The following PRKG1 variants were observed in gnomAD, a reference collection of about 807,000 sequenced individuals.
PRKG1 encodes the protein cGMP-dependent protein kinase 1.
A neutral mutation model predicts 88.1 loss-of-function variants in PRKG1; 35 were observed. The observed-to-expected ratio is 0.40, with a 90% confidence interval of 0.30 to 0.53. The LOEUF (loss-of-function observed/expected upper bound fraction) is 0.53. PRKG1 is among the 20% of genes least tolerant of loss of function. The pLI is 0.59. For synonymous variants in PRKG1, 303 were observed against 292.5 expected (o/e 1.04, Z -0.37); for missense variants, 540 against 839.8 (o/e 0.64, Z 4.41).
intron 3 of PRKG1, among the ~76,000 whole-genome samples, chr10:51,751,741 A>T (rs1007569618): frequency 1.3e-5 from 2 of 152,044 alleles, no homozygotes; most frequent in African/African-American, 4.8e-5. Context: ...TAGCCAGCAG[A>T]TCTTGTAGTT....
At chr10:51,088,392 GTTT>G (rs35801594) in intron 1 of PRKG1, among the ~76,000 whole-genome samples, 4 of 138,410 alleles carry the variant, frequency 2.9e-5, no homozygotes, top group Admixed American at 7.2e-5. Context: ...TTGGTTTTCA[GTTT>G]TTTTTTTTTT....
chr10:51,733,986 T>A (rs930805225), intron 3 of PRKG1, among the ~76,000 whole-genome samples: 4 of 152,174 alleles, frequency 2.6e-5, no homozygotes, highest in African/African-American at 9.7e-5. Context: ...TTATTCTGTA[T>A]TTAATTCTTG....
chr10:51,943,389 T>C (rs1842952980), intron 5 of PRKG1, among the ~76,000 whole-genome samples: 5 of 152,016 alleles, frequency 3.3e-5, no homozygotes, highest in Admixed American at 3.3e-4. Flanking sequence ...TACAATCATG[T>C]CATCTGCAAA....
chr10:52,297,110 T>G lies in PRKG1; in HGVS notation c.*3210T>G, dbSNP rs1238103028. On this transcript the variant is annotated 3_prime_UTR_variant, in exon 18 of 18. Coordinates refer to ENST00000373980, the MANE Select transcript of PRKG1 (RefSeq NM_006258.4). ...TCCATAACAACGTTTTCTTTCACTA[T>G]AGGACCACAGACAAATATTTATGTA... 6.6e-6 allele frequency: 1 copy of G among 152,174 alleles called. No homozygotes were observed. Among genetic ancestry groups the G allele is most frequent in the African/African-American group, 2.4e-5 (1 of 41,460 alleles). 9.4% of individuals were successfully genotyped at this position (152,174 alleles called of 1,614,324 possible).
chr10:51,104,698 T>TTTTATTTA (rs35238475), intron 1 of PRKG1, among the ~76,000 whole-genome samples: 2,720 of 136,140 alleles, frequency 0.02, 48 homozygotes, highest in South Asian at 0.025. Context: ...TTTATTTTTA[T>TTTTATTTA]TTTATTTATT....
chr10:51,216,816 G>C (rs1838383326), intron 2 of PRKG1, among the ~76,000 whole-genome samples: 2 of 152,190 alleles, frequency 1.3e-5, no homozygotes, highest in South Asian at 4.1e-4. Context: ...TTTTCAGGGG[G>C]ATTTAAAAAG....
At chr10:51,744,649 C>T (rs772134539) in intron 3 of PRKG1, among the ~76,000 whole-genome samples, 2 of 152,098 alleles carry the variant, frequency 1.3e-5, no homozygotes, top group Admixed American at 6.5e-5. Context: ...AGAATAGATG[C>T]GTTTTTGTTT....
chr10:51,609,538 C>CAT lies in PRKG1; in HGVS notation c.592+141705_592+141706dup, dbSNP rs143990428. ...ATTCTATTACAAAGATACATGCACACATATGTTCATTGCAGCACTATTCAC... is the reference window on the plus strand; with the variant it reads ...ATTCTATTACAAAGATACATGCACACATATATGTTCATTGCAGCACTATTCAC... On this transcript the variant is annotated intron_variant, in intron 3 of 17. Transcript: ENST00000373980. 2.9e-3 allele frequency among the ~76,000 whole-genome samples: 447 copies of CAT among 152,260 alleles called. 5 individuals carry two copies. Among genetic ancestry groups the CAT allele is most frequent in the South Asian group, 0.022 (107 of 4,828 alleles).
chr10:52,173,376 T>C (rs1838764901), intron 9 of PRKG1, among the ~76,000 whole-genome samples: 1 of 152,190 alleles, frequency 6.6e-6, no homozygotes, highest in South Asian at 2.1e-4. Flanking sequence ...CCCTGCTATC[T>C]TTCAATAAAA....
At chr10:52,230,177 T>A (rs1840488646) in intron 9 of PRKG1, among the ~76,000 whole-genome samples, 1 of 152,182 alleles carries the variant, frequency 6.6e-6, no homozygotes, top group Admixed American at 6.5e-5. Flanking sequence ...GATATTCATA[T>A]GTGCCTACAT....
Position 51,503,633 on chromosome 10 carries a change from G to A in PRKG1, c.592+35797G>A, listed in dbSNP as rs116771825. On this transcript the variant is annotated intron_variant, in intron 3 of 17. Coordinates refer to ENST00000373980, the MANE Select transcript of PRKG1 (RefSeq NM_006258.4). ...TTGCCTACATGTAACTGTTGTGAAA[G>A]CAATACATATGCACCTGGCTTATCA... Among the ~76,000 whole-genome samples, 1,487 of 152,258 alleles carry A rather than the reference G, an allele frequency of 9.8e-3. 15 individuals are homozygous for A. The highest frequency in any genetic ancestry group is 0.028 in the African/African-American group (1,181 of 41,558).
At chr10:52,091,474 G>A (rs774858891) in intron 7 of PRKG1, among the ~76,000 whole-genome samples, 1 of 152,162 alleles carries the variant, frequency 6.6e-6, no homozygotes, top group Non-Finnish European at 1.5e-5. Context: ...ATATATCTTT[G>A]AAGAGTTATT....
chr10:51,836,221 C>T (rs1024014127), intron 4 of PRKG1, among the ~76,000 whole-genome samples: 3 of 152,104 alleles, frequency 2.0e-5, no homozygotes, highest in Admixed American at 2.0e-4. Flanking sequence ...AGAAATAGAT[C>T]CACACATCTA....
chr10:51,025,172 A>G (rs1843188907), intron 1 of PRKG1, among the ~76,000 whole-genome samples: 1 of 152,194 alleles, frequency 6.6e-6, no homozygotes, highest in African/African-American at 2.4e-5. Context: ...GTCTTGATCA[A>G]TCACAATAAC....
intron 3 of PRKG1, among the ~76,000 whole-genome samples, chr10:51,612,517 A>T (rs1328081385): frequency 6.6e-6 from 1 of 151,914 alleles, no homozygotes; most frequent in African/African-American, 2.4e-5. Flanking sequence ...ACTTCTAAAA[A>T]ATTTTTTGTG....
chr10:51,238,068 A>T (rs1204301240), intron 2 of PRKG1, among the ~76,000 whole-genome samples: 2 of 152,222 alleles, frequency 1.3e-5, no homozygotes, highest in Non-Finnish European at 2.9e-5. Flanking sequence ...TATTAAAAAA[A>T]ATTGAATCTA....
rs117702452 is a variant in PRKG1 at position 51,328,492 on chromosome 10, C to T, written c.479-139231C>T. Among the ~76,000 whole-genome samples the T allele has an allele frequency of 1.0e-3, 155 of 152,212 alleles. 2 individuals carry two copies. The East Asian group carries it at 0.027, about 27-fold the overall frequency. ...TAATTTTATTTCCTTTGGATATATA[C>T]CTAGTGTTGGTGTATATTGGTATAT... On this transcript the variant is annotated intron_variant, in intron 2 of 17. Transcript: ENST00000373980.
chr10:51,882,972 G>C (rs2132883767), intron 4 of PRKG1, among the ~76,000 whole-genome samples: 1 of 152,312 alleles, frequency 6.6e-6, no homozygotes, highest in South Asian at 2.1e-4. Context: ...CATTATGTCT[G>C]GGTGCATCTG....
rs71904885 is a variant in PRKG1, at chr10:52,148,957, C to CTTTTTTTTTTTTTTT, written c.1002-12920_1002-12906dup. ...TATTTGACCACAGAGGATAGTTTTG[C>CTTTTTTTTTTTTTTT]TTTTTTTTTTTTTTTTTTTTTTTTT... On this transcript the variant is annotated intron_variant, in intron 8 of 17. Coordinates refer to ENST00000373980, the MANE Select transcript of PRKG1 (RefSeq NM_006258.4). Among the ~76,000 whole-genome samples, 32 of 55,160 alleles carry CTTTTTTTTTTTTTTT rather than the reference C, an allele frequency of 5.8e-4. 1 individual carries two copies. Among genetic ancestry groups the CTTTTTTTTTTTTTTT allele is most frequent in the African/African-American group, 2.4e-3 (32 of 13,338 alleles). The allele number at this position is 55,160 out of a possible 152,430, so 36.2% of individuals were successfully genotyped here.
Sources: allele counts gnomAD v4.1 joint callset (sites outside exome capture counted in the v4.1 genomes callset), GRCh38; gene constraint gnomAD v4.1.1; transcripts MANE v1.5; gene names NCBI Gene and HGNC (gene_info 2026-07-23, HGNC 2026-07-21).